The following ATG7 variants were observed in gnomAD, a reference collection of about 807,000 sequenced individuals.
ATG7 encodes the protein autophagy related 7, also known as ubiquitin-like modifier-activating enzyme ATG7.
ATG7 carries 70 observed loss-of-function variants against 82.4 expected under a neutral mutation model. The observed-to-expected ratio is 0.85, with a 90% confidence interval of 0.70 to 1.04. ATG7 has a LOEUF of 1.04. ATG7 is among the 50% of genes least tolerant of loss of function. ATG7 has a pLI of 0.00. For synonymous variants in ATG7, 287 were observed against 313.0 expected, an observed-to-expected ratio of 0.92 and a Z score of 0.88; for missense variants, 792 against 864.3, an observed-to-expected ratio of 0.92 and a Z score of 1.05.
chr3:11,569,985 C>G, the ATG7 span, among the ~76,000 whole-genome samples: 1 of 152,196 alleles, frequency 6.6e-6, no homozygotes, highest in Non-Finnish European at 1.5e-5. Context: ...AAGTGGTCAG[C>G]TGTATGCTCT....
At chr3:11,546,189 T>TTG (rs1491163797) in intron 20 of ATG7, among the ~76,000 whole-genome samples, 1 of 117,546 alleles carries the variant, frequency 8.5e-6, no homozygotes, top group Non-Finnish European at 1.8e-5. Context: ...TTTTTTTTTT[T>TTG]GAGATGGAGT....
chr3:11,327,316 C>T (rs556746995), intron 9 of ATG7, among the ~76,000 whole-genome samples: 2 of 152,202 alleles, frequency 1.3e-5, no homozygotes, highest in African/African-American at 4.8e-5. Flanking sequence ...TCAGGAATTT[C>T]TTACAATTGT....
intron 20 of ATG7, among the ~76,000 whole-genome samples, chr3:11,496,343 G>T (rs1411395850): frequency 1.3e-5 from 2 of 152,182 alleles, no homozygotes; most frequent in African/African-American, 4.8e-5. Context: ...GGTGGAGATT[G>T]CTTGCATAAA....
chr3:11,480,490 G>C (rs919309337), intron 20 of ATG7, among the ~76,000 whole-genome samples: 2 of 152,088 alleles, frequency 1.3e-5, no homozygotes, highest in African/African-American at 4.8e-5. Context: ...GATGGTTTGC[G>C]GCAGGGGGCC....
chr3:11,323,762 C>T (rs1191692743), intron 9 of ATG7, among the ~76,000 whole-genome samples: 2 of 152,350 alleles, frequency 1.3e-5, no homozygotes, highest in East Asian at 3.9e-4. Context: ...GCTCTTTCTT[C>T]ACTTAGTGAT....
At chr3:11,497,375 A>G (rs867254674) in intron 20 of ATG7, among the ~76,000 whole-genome samples, 9 of 114,974 alleles carry the variant, frequency 7.8e-5, no homozygotes, top group African/African-American at 3.1e-4. Flanking sequence ...ATATATATAT[A>G]TATATATATA....
At chr3:11,325,558 C>T (rs1434306765) in intron 9 of ATG7, among the ~76,000 whole-genome samples, 1 of 151,960 alleles carries the variant, frequency 6.6e-6, no homozygotes, top group Non-Finnish European at 1.5e-5. Flanking sequence ...GTAATCCCAG[C>T]TACTCGGGAG....
intron 20 of ATG7, among the ~76,000 whole-genome samples, chr3:11,534,859 C>T (rs1477845330): frequency 6.6e-6 from 1 of 152,242 alleles, no homozygotes; most frequent in African/African-American, 2.4e-5. Flanking sequence ...GCTCTTCTTC[C>T]CCAGGCTCAG....
intron 17 of ATG7, among the ~76,000 whole-genome samples, chr3:11,363,359 C>T (rs1037170953): frequency 1.3e-5 from 2 of 152,070 alleles, no homozygotes; most frequent in Non-Finnish European, 2.9e-5. Flanking sequence ...TCTCCTGCCT[C>T]AGCCTCCCAA....
intron 20 of ATG7, among the ~76,000 whole-genome samples, chr3:11,467,664 A>G (rs568966097): frequency 6.6e-6 from 1 of 152,112 alleles, no homozygotes; most frequent in Non-Finnish European, 1.5e-5. Flanking sequence ...GCGTGAGCCA[A>G]TGCGCCTGGC....
chr3:11,442,739 C>CCAAAAAAAAAAAAAAAAAAAAAAAAAAAA (rs1553668928), intron 20 of ATG7, among the ~76,000 whole-genome samples: 1 of 69,236 alleles, frequency 1.4e-5, no homozygotes, highest in Non-Finnish European at 2.5e-5. Flanking sequence ...TCCATCTCTA[C>CCAAAAAAAAAAAAAAAAAAAAAAAAAAAA]AAAAAAAAAA....
chr3:11,567,125 G>A, the ATG7 span, among the ~76,000 whole-genome samples: 1 of 152,148 alleles, frequency 6.6e-6, no homozygotes, highest in Admixed American at 6.5e-5. Flanking sequence ...GTCATTCTGC[G>A]CCATCTCCAG....
chr3:11,475,558 G>C (rs985653734), intron 20 of ATG7, among the ~76,000 whole-genome samples: 1 of 152,168 alleles, frequency 6.6e-6, no homozygotes, highest in African/African-American at 2.4e-5. Flanking sequence ...GAAAAGGGCT[G>C]CGGGGGAGGC....
At chr3:11,368,965 A>G (rs1166654557) in intron 18 of ATG7, among the ~76,000 whole-genome samples, 2 of 150,902 alleles carry the variant, frequency 1.3e-5, no homozygotes, top group East Asian at 1.9e-4. Flanking sequence ...TCTCAGCTTC[A>G]TGAATTCTTT....
intron 20 of ATG7, among the ~76,000 whole-genome samples, chr3:11,536,421 C>T (rs1186778948): frequency 4.6e-5 from 7 of 152,228 alleles, no homozygotes; most frequent in Admixed American, 4.6e-4. Flanking sequence ...CCTGTTCCCA[C>T]AGCAGGACCA....
intron 20 of ATG7, among the ~76,000 whole-genome samples, chr3:11,546,754 T>C (rs548996402): frequency 1.8e-3 from 268 of 152,266 alleles, no homozygotes; most frequent in Non-Finnish European, 2.7e-3. Context: ...ATGGGCCCAA[T>C]TGAAAGGTCC....
At chr3:11,512,067 G>A (rs1017330736) in intron 20 of ATG7, among the ~76,000 whole-genome samples, 1 of 152,214 alleles carries the variant, frequency 6.6e-6, no homozygotes, top group Non-Finnish European at 1.5e-5. Context: ...GGGCTGAAGG[G>A]CTCCTCAAAT....
intron 20 of ATG7, among the ~76,000 whole-genome samples, chr3:11,502,493 C>G (rs1243902925): frequency 1.3e-5 from 2 of 148,558 alleles, no homozygotes; most frequent in East Asian, 2.0e-4. Flanking sequence ...TTTGTTCTTG[C>G]GATAGTTTAC....
chr3:11,312,357 A>C (rs1262168017), intron 7 of ATG7, among the ~76,000 whole-genome samples: 1 of 152,360 alleles, frequency 6.6e-6, no homozygotes, highest in East Asian at 1.9e-4. Context: ...TTAAGGCCCC[A>C]AAAGCTGTAA....
Sources: allele counts gnomAD v4.1 joint callset (sites outside exome capture counted in the v4.1 genomes callset), GRCh38; gene constraint gnomAD v4.1.1; transcripts MANE v1.5; gene names NCBI Gene and HGNC (gene_info 2026-07-23, HGNC 2026-07-21).